The following AASS variants were observed in gnomAD, a reference collection of about 807,000 sequenced individuals.
AASS encodes alpha-aminoadipic semialdehyde synthase, mitochondrial.
Under a neutral mutation model 105.4 loss-of-function variants are expected in AASS, and 86 were observed. That is an observed-to-expected ratio of 0.82 (90% CI 0.69 to 0.98). The LOEUF is 0.98. Ranked by LOEUF, AASS falls within the 50% of genes least tolerant of loss-of-function variation. AASS has a pLI of 0.00. For synonymous variants in AASS, 381 were observed against 394.8 expected (o/e 0.96, Z 0.41); for missense variants, 1,048 against 1,143.2 (o/e 0.92, Z 1.20).
At chr7:122,120,254 T>C (rs555589069) in intron 4 of AASS, among the ~76,000 whole-genome samples, 1 of 152,172 alleles carries the variant, frequency 6.6e-6, no homozygotes, top group Non-Finnish European at 1.5e-5. Flanking sequence ...GGAATTTAGT[T>C]TGTACCTTGA....
intron 11 of AASS, among the ~76,000 whole-genome samples, chr7:122,105,396 G>A (rs1794622976): frequency 6.6e-6 from 1 of 151,978 alleles, no homozygotes; most frequent in African/African-American, 2.4e-5. Flanking sequence ...GATAAATATA[G>A]AACTTTTTAT....
chr7:122,108,130 C>T (rs1050945056), intron 11 of AASS, among the ~76,000 whole-genome samples: 2 of 151,934 alleles, frequency 1.3e-5, no homozygotes, highest in East Asian at 3.9e-4. Flanking sequence ...AAAAAATAAA[C>T]AATCTGAATA....
rs1016911495 is a variant in AASS at position 122,113,752 on chromosome 7, A to T, written c.1044-32T>A. On this transcript the variant is annotated intron_variant, in intron 9 of 23. Transcript: ENST00000417368. ...ATAACATCAATACTTAGATGAGAGGATGAAATTCTGAAGTCTCCAACAAGA... is the reference window on the plus strand; with the variant it reads ...ATAACATCAATACTTAGATGAGAGGTTGAAATTCTGAAGTCTCCAACAAGA... 4.3e-6 allele frequency: 7 copies of T among 1,609,228 alleles called. No homozygotes were observed. The Middle Eastern group carries it at 6.6e-4, about 152-fold the overall frequency.
At chr7:122,116,323 T>G (rs891605138) in intron 8 of AASS, among the ~76,000 whole-genome samples, 1 of 152,278 alleles carries the variant, frequency 6.6e-6, no homozygotes, top group Non-Finnish European at 1.5e-5. Flanking sequence ...CAGTGCTAAC[T>G]AGTCCAGGAT....
At position 122,093,071 on chromosome 7, in the gene AASS, T is replaced by C. The variant is rs1440038527; in HGVS notation, c.1743A>G (p.Pro581=). The change falls in exon 16 of 24, where the codon CCA becomes CCG. Residue 581 remains proline, a synonymous_variant. Coordinates refer to ENST00000417368, the MANE Select transcript of AASS (RefSeq NM_005763.4). ...ACCTCTTTTCCAATTCTTTTAGTGC[T>C]GGTGTGATGTAGCTTGCAGTGACCA... The part of the protein sequence containing the change: ...VNMVTASYIT[P]ALKELEKSVE... 3.7e-6 allele frequency: 6 copies of C among 1,613,876 alleles called. No individual in the cohort carries two copies. Among genetic ancestry groups the C allele is most frequent in the Non-Finnish European group, 5.1e-6 (6 of 1,179,878 alleles).
intron 8 of AASS, among the ~76,000 whole-genome samples, chr7:122,115,606 T>G (rs1433003991): frequency 6.6e-6 from 1 of 152,136 alleles, no homozygotes; most frequent in Non-Finnish European, 1.5e-5. Flanking sequence ...CTGGGCTCTA[T>G]TTTTCTTACT....
At chr7:122,078,429 T>C (rs1246981043) in intron 22 of AASS, among the ~76,000 whole-genome samples, 1 of 151,798 alleles carries the variant, frequency 6.6e-6, no homozygotes, top group Non-Finnish European at 1.5e-5. Flanking sequence ...CTGGCCAACA[T>C]GGTGAAACCT....
intron 19 of AASS, among the ~76,000 whole-genome samples, chr7:122,083,470 T>C (rs1021430138): frequency 2.0e-5 from 3 of 152,116 alleles, no homozygotes; most frequent in Admixed American, 1.3e-4. Flanking sequence ...CTGCCATATG[T>C]CAGACTTGTG....
At position 122,134,370 on chromosome 7, in the gene AASS, T is replaced by C. The variant is rs1235433846; in HGVS notation, c.-15-629A>G. On this transcript the variant is annotated intron_variant, in intron 1 of 23. Coordinates refer to ENST00000417368, the MANE Select transcript of AASS (RefSeq NM_005763.4). The stretch of plus-strand genomic sequence containing the variant: ...GAAGCCTTAATATCACATGATCATA[T>C]TTATTTATTTATTTTTAGACATGAA... Among the ~76,000 whole-genome samples the C allele has an allele frequency of 3.9e-5, 6 of 152,102 alleles. No individual in the cohort carries two copies. In the East Asian group the frequency reaches 9.6e-4, roughly 24 times the overall value.
chr7:122,118,277 T>C (rs1562980789), intron 6 of AASS, 30 bp downstream of exon 6: 1 of 1,612,576 alleles, frequency 6.2e-7, no homozygotes, highest in Admixed American at 1.7e-5. Flanking sequence ...TTTTGGATTG[T>C]TTTACAAAAG....
In AASS at chr7:122,098,520, C is replaced by G. The variant is rs1794275882; in HGVS notation, c.1585G>C (p.Val529Leu). 5 of 1,611,402 alleles carry G rather than the reference C, an allele frequency of 3.1e-6. No homozygotes were observed. The highest frequency in any genetic ancestry group is 4.2e-6 in the Non-Finnish European group (5 of 1,178,252). The change falls in exon 15 of 24, where the codon GTT (valine) becomes CTT (leucine). Residue 529 changes from valine to leucine, a missense_variant. Transcript: ENST00000417368. ...QLGKKYNINP[V>L]SMDICKQEEK... ...TCTTGTTTACAAATGTCCATGCTAA[C>G]AGGATTAATATTATATTTCTTGCCT...
At chr7:122,095,969 T>C (rs1292732157) in intron 15 of AASS, among the ~76,000 whole-genome samples, 4 of 152,130 alleles carry the variant, frequency 2.6e-5, no homozygotes, top group Non-Finnish European at 5.9e-5. Context: ...GGCTGAGAAG[T>C]AGAATGATAG....
At chr7:122,086,867 T>C (rs1451560419) in intron 18 of AASS, among the ~76,000 whole-genome samples, 1 of 152,178 alleles carries the variant, frequency 6.6e-6, no homozygotes, top group Non-Finnish European at 1.5e-5. Flanking sequence ...TTTTGATATC[T>C]CAGTACTTCT....
In AASS at chr7:122,092,872, T is replaced by C. The variant is rs763158501; in HGVS notation, c.1846A>G (p.Ile616Val). ...GLDHMLAMET[I>V]DKAKEVGATI... ...GCTCCCACTTCCTTGGCTTTATCTA[T>C]TGTTTCCATTGCTAACATGTGATCC... is the stretch of plus-strand genomic sequence containing the variant. Residue 616 changes from isoleucine to valine, a missense_variant, in exon 17 of 24, where the codon ATA becomes GTA. Transcript: ENST00000417368. 1.2e-6 allele frequency: 2 copies of C among 1,613,940 alleles called. No individual in the cohort carries two copies. The highest frequency in any genetic ancestry group is 2.2e-5 in the East Asian group (1 of 44,868).
At chr7:122,105,513 A>AAAT (rs1794629432) in intron 11 of AASS, among the ~76,000 whole-genome samples, 1 of 152,090 alleles carries the variant, frequency 6.6e-6, no homozygotes, top group Admixed American at 6.6e-5. Context: ...AAAAAAATTG[A>AAAT]AATCATATTA....
intron 21 of AASS, chr7:122,079,379 G>A (rs1445930073): frequency 4.4e-6 from 6 of 1,366,382 alleles, no homozygotes; most frequent in Non-Finnish European, 4.8e-6. Flanking sequence ...GTGGTAAAGT[G>A]TTTCGAGATA....
intron 4 of AASS, among the ~76,000 whole-genome samples, chr7:122,122,772 C>T (rs1218652846): frequency 3.3e-5 from 5 of 152,268 alleles, no homozygotes; most frequent in African/African-American, 4.8e-5. Context: ...TATAGATTTT[C>T]GTCCGTGGTA....
chr7:122,128,009 A>G (rs985553759), intron 3 of AASS, among the ~76,000 whole-genome samples: 1 of 152,206 alleles, frequency 6.6e-6, no homozygotes, highest in Non-Finnish European at 1.5e-5. Flanking sequence ...TTGTAATGGC[A>G]TCATGTCATT....
chr7:122,075,181 AAAATT>A lies in AASS; in HGVS notation c.*1303_*1307del, dbSNP rs1792944758. On this transcript the variant is annotated 3_prime_UTR_variant, in exon 24 of 24. Transcript: ENST00000417368. ...AAGCCACCAAGCTTGACCATTGTTG[AAAATT>A]AAATTGTTTTCTTAACATCATTTTT... Among the ~76,000 whole-genome samples the A allele has an allele frequency of 1.3e-5, 2 of 152,166 alleles. No individual in the cohort carries two copies. The highest frequency in any genetic ancestry group is 4.8e-5 in the African/African-American group (2 of 41,432).
Sources: allele counts gnomAD v4.1 joint callset (sites outside exome capture counted in the v4.1 genomes callset), GRCh38; gene constraint gnomAD v4.1.1; transcripts MANE v1.5; gene names NCBI Gene and HGNC (gene_info 2026-07-23, HGNC 2026-07-21).